Variants in SORBS2 observed in about 807,000 individuals in gnomAD.
The protein encoded by SORBS2 is sorbin and SH3 domain containing 2.
SORBS2 carries 46 observed loss-of-function variants against 97.7 expected under a neutral mutation model. The observed-to-expected ratio is 0.47, with a 90% CI of 0.37 to 0.60. The LOEUF (loss-of-function observed/expected upper bound fraction) is 0.60, where lower values mean the gene tolerates loss of function less well. Among genes scored for constraint, SORBS2 ranks in the 20% least tolerant of loss-of-function variants. The pLI, the probability that SORBS2 is intolerant of heterozygous loss-of-function variation, is 0.00. For missense variants in SORBS2, 1,316 were observed against 1,282.3 expected, an observed-to-expected ratio of 1.03 and a Z score of -0.40; for synonymous variants, 476 against 473.4, an observed-to-expected ratio of 1.01 and a Z score of -0.07.
intron 2 of SORBS2, among the ~76,000 whole-genome samples, chr4:185,754,422 TATCA>T (rs1356047527): frequency 6.6e-6 from 1 of 152,152 alleles, no homozygotes; most frequent in Non-Finnish European, 1.5e-5. Flanking sequence ...CGTAACATGC[TATCA>T]ATCTATCTAT....
At chr4:185,740,070 C>T (rs1201423008) in intron 2 of SORBS2, 1 of 152,604 alleles carries the variant, frequency 6.6e-6, no homozygotes, top group Non-Finnish European at 1.5e-5. Context: ...CTAGGAATGG[C>T]AAATCAGCAT....
At chr4:185,749,767 A>G (rs1055581523) in intron 2 of SORBS2, among the ~76,000 whole-genome samples, 1 of 152,252 alleles carries the variant, frequency 6.6e-6, no homozygotes, top group African/African-American at 2.4e-5. Context: ...TTGCTCATTT[A>G]GAGAAAACAA....
chr4:185,627,059 G>T, intron 5 of SORBS2, 40 bp from the exon 18 acceptor site: 1 of 1,598,216 alleles, frequency 6.3e-7, no homozygotes, highest in Non-Finnish European at 8.6e-7. Flanking sequence ...GGCACTGGAG[G>T]AGGTTCGGGT....
chr4:185,743,715 T>G (rs1037957164), intron 2 of SORBS2, among the ~76,000 whole-genome samples: 3 of 152,070 alleles, frequency 2.0e-5, no homozygotes, highest in Non-Finnish European at 1.5e-5. Flanking sequence ...GAGCCCCTCC[T>G]CCTCCTGATT....
intron 8 of SORBS2, among the ~76,000 whole-genome samples, 169 bp from the exon 21 acceptor site, chr4:185,618,800 T>A (rs2096665615): frequency 6.6e-6 from 1 of 152,210 alleles, no homozygotes; most frequent in Non-Finnish European, 1.5e-5. Flanking sequence ...CATTTAGATA[T>A]TTAAGCTATA....
At chr4:185,834,798 T>C (rs1046034717) in intron 1 of SORBS2, among the ~76,000 whole-genome samples, 10 of 152,226 alleles carry the variant, frequency 6.6e-5, no homozygotes, top group Admixed American at 1.3e-4. Context: ...CCCTACACTA[T>C]TGTTTTTCAA....
chr4:185,635,345 G>T lies in SORBS2; in HGVS notation c.397-4747C>A, dbSNP rs189673798. Reference sequence around the variant, plus strand: ...AGATATCTGAAAAAGAGAGAATAACGTGTTTTTACCTCATTGAAAACACCA... The same window carrying T: ...AGATATCTGAAAAAGAGAGAATAACTTGTTTTTACCTCATTGAAAACACCA... On this transcript the variant is annotated intron_variant, in intron 4 of 14. Coordinates refer to ENST00000418609, the Ensembl canonical transcript of SORBS2. 1.3e-6 allele frequency: 2 copies of T among 1,596,208 alleles called. No homozygotes were observed. Among genetic ancestry groups the T allele is most frequent in the East Asian group, 4.5e-5 (2 of 44,778 alleles).
intron 2 of SORBS2, 132 bp from the exon 12 acceptor site, chr4:185,649,788 TG>T: frequency 2.2e-6 from 1 of 460,486 alleles, no homozygotes; most frequent in Non-Finnish European, 3.8e-6. Flanking sequence ...ATATTCATAA[TG>T]CATACATTAG....
intron 4 of SORBS2, among the ~76,000 whole-genome samples, chr4:185,667,868 T>A (rs6552903): frequency 0.98 from 148,156 of 151,716 alleles, 72,434 homozygotes; most frequent in East Asian, 1. Flanking sequence ...AGGTGAAACT[T>A]TAATATTATG....
At chr4:185,807,014 C>T (rs1181751658) in intron 1 of SORBS2, among the ~76,000 whole-genome samples, 8 of 152,052 alleles carry the variant, frequency 5.3e-5, no homozygotes, top group East Asian at 1.9e-4. Flanking sequence ...CATTATAAGA[C>T]TTGTAATTTA....
chr4:185,868,155 C>CTTTTTTTTTTTTTTTTTTTTTTTTTT lies in SORBS2; in HGVS notation c.-338+88040_-338+88041insAAAAAAAAAAAAAAAAAAAAAAAAAA, dbSNP rs1431293135. On this transcript the variant is annotated intron_variant, in intron 1 of 20. Coordinates refer to the SORBS2 transcript ENST00000284776. ...CCTTTCTCTTTTCTTTTCTTTTTTT[C>CTTTTTTTTTTTTTTTTTTTTTTTTTT]TTTCTTTTTTTTTTTTTTTGAGGCA... Among the ~76,000 whole-genome samples, 6 of 100,720 alleles carry CTTTTTTTTTTTTTTTTTTTTTTTTTT rather than the reference C, an allele frequency of 6.0e-5. 1 individual carries two copies. Among genetic ancestry groups the CTTTTTTTTTTTTTTTTTTTTTTTTTT allele is most frequent in the African/African-American group, 8.7e-5 (2 of 23,082 alleles). The allele number at this position is 100,720 out of a possible 152,430, so 66.1% of individuals were successfully genotyped here.
chr4:185,870,329 C>T (rs1389435299), intron 1 of SORBS2, among the ~76,000 whole-genome samples: 3 of 152,194 alleles, frequency 2.0e-5, no homozygotes, highest in Non-Finnish European at 4.4e-5. Context: ...CACAGCCTGA[C>T]CCAAGGGGTC....
At chr4:185,868,407 C>T (rs747109789) in intron 1 of SORBS2, among the ~76,000 whole-genome samples, 3 of 151,812 alleles carry the variant, frequency 2.0e-5, no homozygotes, top group Non-Finnish European at 2.9e-5. Context: ...CCACCCACCT[C>T]GGCCTCCCAA....
At chr4:185,590,733 A>C (rs2095906504) in intron 13 of SORBS2, among the ~76,000 whole-genome samples, 2 of 152,216 alleles carry the variant, frequency 1.3e-5, no homozygotes, top group Admixed American at 1.3e-4. Flanking sequence ...ATTATAATAA[A>C]TAGTAACATG....
chr4:185,662,065 T>G, intron 5 of SORBS2, 39 bp downstream of exon 8: 1 of 1,611,442 alleles, frequency 6.2e-7, no homozygotes, highest in Non-Finnish European at 8.5e-7. Context: ...CTTGCCGCAT[T>G]GAGGTTGCCA....
At chr4:185,616,711 A>G (rs2096633197) in intron 9 of SORBS2, among the ~76,000 whole-genome samples, 2 of 152,200 alleles carry the variant, frequency 1.3e-5, no homozygotes, top group South Asian at 4.1e-4. Context: ...TCTCAGACCT[A>G]GAATTTTAAA....
chr4:185,908,308 T>TATATATATATTTGTATACACACAA (rs2099252680), intron 1 of SORBS2, among the ~76,000 whole-genome samples: 7 of 114,076 alleles, frequency 6.1e-5, no homozygotes, highest in African/African-American at 2.5e-4. Context: ...TATATATATA[T>TATATATATATTTGTATACACACAA]ATATATATAT....
chr4:185,635,578 TGGGA>T (rs1457549213), intron 4 of SORBS2, among the ~76,000 whole-genome samples, 167 bp from the exon 16 acceptor site: 4 of 152,126 alleles, frequency 2.6e-5, no homozygotes, highest in African/African-American at 9.7e-5. Context: ...TGGGGGCAGC[TGGGA>T]GGAAGTGTGC....
At chr4:185,697,746 T>C (rs1221353828) in intron 2 of SORBS2, among the ~76,000 whole-genome samples, 1 of 152,210 alleles carries the variant, frequency 6.6e-6, no homozygotes, top group Non-Finnish European at 1.5e-5. Context: ...AGCCTACTCC[T>C]GCTTAATTCA....
Sources: allele counts gnomAD v4.1 joint callset (sites outside exome capture counted in the v4.1 genomes callset), GRCh38; gene constraint gnomAD v4.1.1; transcripts MANE v1.5; gene names NCBI Gene and HGNC (gene_info 2026-07-23, HGNC 2026-07-21).